CCDC171: variants seen among roughly 807,000 people sequenced by gnomAD.
CCDC171 encodes the protein coiled-coil domain-containing protein 171.
In CCDC171, 177 loss-of-function variants were observed where a neutral mutation model predicts 168.2. The ratio of observed to expected loss-of-function variants is 1.05; its 90% CI spans 0.93 to 1.19. The LOEUF is 1.19. Among genes scored for constraint, CCDC171 ranks in the 50% most tolerant of loss-of-function variants. The pLI is 0.00. For synonymous variants in CCDC171, 687 were observed against 540.8 expected, an observed-to-expected ratio of 1.27 and a Z score of -3.75; for missense variants, 1,991 against 1,539.0, an observed-to-expected ratio of 1.29 and a Z score of -4.91.
chr9:15,887,252 C>A (rs1274670216), intron 24 of CCDC171, among the ~76,000 whole-genome samples: 2 of 151,774 alleles, frequency 1.3e-5, no homozygotes, highest in African/African-American at 2.4e-5. Flanking sequence ...CTTTATTTGT[C>A]AAAAAAATAT....
intron 7 of CCDC171, among the ~76,000 whole-genome samples, chr9:15,642,970 G>A (rs542480659): frequency 1.2e-4 from 19 of 152,032 alleles, no homozygotes; most frequent in African/African-American, 4.6e-4. Context: ...CTATCATTTT[G>A]ATAAAGAAGC....
At chr9:15,560,600 A>G (rs1443434858) in intron 1 of CCDC171, among the ~76,000 whole-genome samples, 1 of 152,058 alleles carries the variant, frequency 6.6e-6, no homozygotes, top group African/African-American at 2.4e-5. Flanking sequence ...GGATTTCTCT[A>G]CACTGTTTAT....
At chr9:15,773,119 G>A (rs1023535026) in intron 18 of CCDC171, among the ~76,000 whole-genome samples, 2 of 151,932 alleles carry the variant, frequency 1.3e-5, no homozygotes, top group African/African-American at 4.8e-5. Context: ...CAATCTTTGA[G>A]TATGAGGACT....
At chr9:16,021,020 T>A (rs991854765) in intron 4 of CCDC171, among the ~76,000 whole-genome samples, 1 of 152,236 alleles carries the variant, frequency 6.6e-6, no homozygotes, top group African/African-American at 2.4e-5. Context: ...AACGCAAGTA[T>A]TGCACTAATT....
chr9:16,014,564 C>T (rs1832961083), intron 3 of CCDC171, among the ~76,000 whole-genome samples: 1 of 152,174 alleles, frequency 6.6e-6, no homozygotes, highest in South Asian at 2.1e-4. Context: ...GAATCACCAT[C>T]TATGGCAGCT....
chr9:15,903,587 C>G (rs1030745100), intron 24 of CCDC171, among the ~76,000 whole-genome samples: 11 of 152,180 alleles, frequency 7.2e-5, no homozygotes, highest in Non-Finnish European at 1.3e-4. Context: ...AAAAACAGAG[C>G]AGAAAAACTG....
rs111619507 is a variant in CCDC171, at chr9:15,866,430, T to A, written c.3469-8102T>A. 6.0e-4 allele frequency among the ~76,000 whole-genome samples: 91 copies of A among 152,094 alleles called. No individual in the cohort carries two copies. In the South Asian group the frequency reaches 0.018, roughly 31 times the overall value. Reference sequence around the variant, plus strand: ...GTCAGAAGGAAGGATGTGAAACTTATTCAGCAAAGTGGCATATGATGATGA... The same window carrying A: ...GTCAGAAGGAAGGATGTGAAACTTAATCAGCAAAGTGGCATATGATGATGA... On this transcript the variant is annotated intron_variant, in intron 23 of 25. Coordinates refer to ENST00000380701, the MANE Select transcript of CCDC171 (RefSeq NM_173550.4).
intron 18 of CCDC171, among the ~76,000 whole-genome samples, chr9:15,748,890 A>G (rs944965436): frequency 3.3e-5 from 5 of 151,974 alleles, no homozygotes; most frequent in Non-Finnish European, 7.4e-5. Flanking sequence ...TTAAGATGCT[A>G]TGAAGAAACT....
At chr9:15,918,654 A>T (rs1015047517) in intron 24 of CCDC171, among the ~76,000 whole-genome samples, 4 of 150,764 alleles carry the variant, frequency 2.7e-5, no homozygotes, top group African/African-American at 9.7e-5. Context: ...TATGTCAGAT[A>T]TTCCCAGGTA....
At chr9:15,764,832 A>G (rs1447666953) in intron 18 of CCDC171, among the ~76,000 whole-genome samples, 4 of 152,194 alleles carry the variant, frequency 2.6e-5, no homozygotes, top group Non-Finnish European at 4.4e-5. Context: ...CTTTTTAAAA[A>G]TAGTGAAGCC....
intron 24 of CCDC171, among the ~76,000 whole-genome samples, chr9:15,892,117 G>GA (rs1359166205): frequency 6.6e-6 from 1 of 152,150 alleles, no homozygotes; most frequent in Non-Finnish European, 1.5e-5. Flanking sequence ...TGAAAAATGT[G>GA]AATCAGATAT....
At chr9:16,088,583 C>T in the CCDC171 span, among the ~76,000 whole-genome samples, 1 of 151,442 alleles carries the variant, frequency 6.6e-6, no homozygotes, top group Non-Finnish European at 1.5e-5. Flanking sequence ...ATAACAGAGA[C>T]CAAATCATGA....
intron 6 of CCDC171, among the ~76,000 whole-genome samples, chr9:15,610,184 C>T (rs1348145149): frequency 6.6e-6 from 1 of 151,608 alleles, no homozygotes; most frequent in African/African-American, 2.4e-5. Context: ...GAAGGTGTTT[C>T]TCCCCCCACC....
At chr9:15,960,188 G>A (rs1196944873) in intron 25 of CCDC171, among the ~76,000 whole-genome samples, 1 of 152,162 alleles carries the variant, frequency 6.6e-6, no homozygotes, top group Non-Finnish European at 1.5e-5. Context: ...TATAAAAATA[G>A]CAATTATGTG....
chr9:15,954,438 G>C (rs1410454782), intron 25 of CCDC171, among the ~76,000 whole-genome samples: 1 of 151,724 alleles, frequency 6.6e-6, no homozygotes, highest in Non-Finnish European at 1.5e-5. Context: ...TTGGACCATT[G>C]GTTATTTAAG....
At chr9:15,866,558 G>A (rs573082848) in intron 23 of CCDC171, among the ~76,000 whole-genome samples, 1 of 152,100 alleles carries the variant, frequency 6.6e-6, no homozygotes, top group Non-Finnish European at 1.5e-5. Context: ...AGGGAGAAAG[G>A]AGACAATGAT....
At chr9:15,672,590 C>A (rs2049201625) in intron 9 of CCDC171, among the ~76,000 whole-genome samples, 1 of 152,160 alleles carries the variant, frequency 6.6e-6, no homozygotes, top group Non-Finnish European at 1.5e-5. Flanking sequence ...TTTCTGAACA[C>A]CATTTATTAA....
chr9:15,915,163 A>G (rs1251697590), intron 24 of CCDC171, among the ~76,000 whole-genome samples: 1 of 152,142 alleles, frequency 6.6e-6, no homozygotes, highest in Non-Finnish European at 1.5e-5. Flanking sequence ...CTCTTTGAAA[A>G]ATGACATTGG....
chr9:15,857,024 A>G (rs1588875547), intron 23 of CCDC171, among the ~76,000 whole-genome samples: 1 of 152,062 alleles, frequency 6.6e-6, no homozygotes, highest in Non-Finnish European at 1.5e-5. Flanking sequence ...ATAAATGTAT[A>G]TTCAAGTTCT....
Sources: gnomAD v4.1 joint callset for allele counts (sites outside exome capture counted in the v4.1 genomes callset) on GRCh38, gnomAD v4.1.1 for gene constraint, MANE v1.5 for transcripts, NCBI Gene and HGNC (gene_info 2026-07-23, HGNC 2026-07-21) for gene names.